Variants in TBC1D5 observed in about 807,000 individuals in gnomAD.
The protein encoded by TBC1D5 is TBC1 domain family member 5.
Under a neutral mutation model 100.3 loss-of-function variants are expected in TBC1D5, and 75 were observed. That is an observed-to-expected ratio of 0.75 (90% CI 0.62 to 0.91). TBC1D5 has a LOEUF of 0.91. Ranked by LOEUF, TBC1D5 falls within the 40% of genes least tolerant of loss-of-function variation. The pLI is 0.00. For synonymous variants in TBC1D5, 323 were observed against 325.6 expected (o/e 0.99, Z 0.09); for missense variants, 910 against 942.4 (o/e 0.97, Z 0.45).
At chr3:17,291,978 A>G (rs2081802632) in exon 15 of TBC1D5, 1 of 1,613,872 alleles carries the variant, frequency 6.2e-7, no homozygotes, top group Non-Finnish European at 8.5e-7. Flanking sequence ...AGGCCGAGAC[A>G]GGTCTGGTAG....
intron 4 of TBC1D5, among the ~76,000 whole-genome samples, chr3:17,425,928 T>C (rs770476547): frequency 1.3e-5 from 2 of 152,122 alleles, no homozygotes; most frequent in Admixed American, 1.3e-4. Context: ...AAAACAGTTG[T>C]GGGAAGGAAA....
chr3:17,306,238 T>C (rs773749549), intron 14 of TBC1D5, among the ~76,000 whole-genome samples: 5 of 152,180 alleles, frequency 3.3e-5, no homozygotes, highest in Non-Finnish European at 5.9e-5. Flanking sequence ...GTGCCTCTCC[T>C]TAAGTTTCCA....
At chr3:17,287,187 C>T (rs10510470) in intron 15 of TBC1D5, among the ~76,000 whole-genome samples, 1,963 of 152,176 alleles carry the variant, frequency 0.013, 34 homozygotes, top group African/African-American at 0.044. Flanking sequence ...GAAATATTCT[C>T]GATTAGTGAT....
intron 3 of TBC1D5, among the ~76,000 whole-genome samples, chr3:17,449,184 T>C (rs2094867107): frequency 1.3e-5 from 2 of 152,190 alleles, no homozygotes; most frequent in African/African-American, 4.8e-5. Flanking sequence ...GACTGTGCCA[T>C]GAGAGACGGT....
At chr3:17,250,459 C>G (rs1356657491) in intron 16 of TBC1D5, among the ~76,000 whole-genome samples, 4 of 152,226 alleles carry the variant, frequency 2.6e-5, no homozygotes, top group Non-Finnish European at 5.9e-5. Context: ...AAGGCAAGCC[C>G]TACATGATCT....
intron 8 of TBC1D5, among the ~76,000 whole-genome samples, chr3:17,396,915 C>A (rs73156373): frequency 6.6e-6 from 1 of 151,784 alleles, no homozygotes; most frequent in Non-Finnish European, 1.5e-5. Flanking sequence ...GCTGCTGGGG[C>A]GAGCATAATA....
rs370029552 is a variant in TBC1D5 at position 17,484,052 on chromosome 3, C to T, written c.97+24422G>A. Among the ~76,000 whole-genome samples the T allele has an allele frequency of 3.3e-5, 5 of 152,088 alleles. No individual in the cohort carries two copies. In the South Asian group the frequency reaches 6.2e-4, roughly 19 times the overall value. On this transcript the variant is annotated intron_variant, in intron 3 of 21. Transcript: ENST00000253692. ...GTGGCCTCATTAGGTAAAGATACTA[C>T]CTATACCACCACTCACTGGATATTA... is the stretch of plus-strand genomic sequence containing the variant.
intron 1 of TBC1D5, among the ~76,000 whole-genome samples, chr3:17,676,227 CTGT>C (rs1217337221): frequency 1.3e-5 from 2 of 152,104 alleles, no homozygotes; most frequent in East Asian, 1.9e-4. Context: ...CTAAATTGTA[CTGT>C]TGTTATCTAT....
intron 3 of TBC1D5, among the ~76,000 whole-genome samples, chr3:17,442,387 GCAGA>G (rs1234505226): frequency 2.0e-5 from 3 of 152,198 alleles, no homozygotes; most frequent in Non-Finnish European, 4.4e-5. Context: ...TCCCTGTTGT[GCAGA>G]CAGTGAGTGG....
chr3:17,166,794 G>A (rs2066645746), exon 21 of TBC1D5: 3 of 1,613,434 alleles, frequency 1.9e-6, no homozygotes, highest in South Asian at 2.2e-5. Flanking sequence ...ACATTTGAAC[G>A]CTCTGGCCTT....
intron 4 of TBC1D5, among the ~76,000 whole-genome samples, chr3:17,407,554 T>A (rs954783054): frequency 6.6e-6 from 1 of 152,156 alleles, no homozygotes; most frequent in Non-Finnish European, 1.5e-5. Flanking sequence ...CATGTGCAGT[T>A]GTCACTGGCC....
chr3:17,217,229 A>C (rs951529159), intron 17 of TBC1D5, among the ~76,000 whole-genome samples: 1 of 152,182 alleles, frequency 6.6e-6, no homozygotes, highest in Non-Finnish European at 1.5e-5. Flanking sequence ...TAGTTGCCAA[A>C]TAATATTCCA....
At chr3:17,698,073 C>T (rs1210207578) in intron 1 of TBC1D5, among the ~76,000 whole-genome samples, 1 of 151,880 alleles carries the variant, frequency 6.6e-6, no homozygotes, top group Non-Finnish European at 1.5e-5. Flanking sequence ...AAAAAAGAGC[C>T]CACATTGCCA....
intron 1 of TBC1D5, among the ~76,000 whole-genome samples, chr3:17,627,663 T>C (rs995386654): frequency 6.6e-6 from 1 of 151,506 alleles, no homozygotes; most frequent in Non-Finnish European, 1.5e-5. Flanking sequence ...ATTCTGGGTT[T>C]TTTTTTTTGA....
In TBC1D5 at chr3:17,341,363, A is replaced by AT. The variant is rs1220209622; in HGVS notation, c.995+30711dup. ...AGGCGGCCGCCACCACGCCCGGCTA[A>AT]TTTTTTGTATTTTTAGTAGAGACGG... On this transcript the variant is annotated intron_variant, in intron 13 of 21. Coordinates refer to ENST00000253692, the Ensembl canonical transcript of TBC1D5. 7.2e-5 allele frequency among the ~76,000 whole-genome samples: 11 copies of AT among 152,010 alleles called. No homozygotes were observed. The South Asian group carries it at 8.3e-4, about 11-fold the overall frequency.
At position 17,386,344 on chromosome 3, in the gene TBC1D5, A is replaced by C. The variant is rs78783864; in HGVS notation, c.510-2329T>G. Among the ~76,000 whole-genome samples the C allele has an allele frequency of 4.7e-3, 711 of 152,246 alleles. 4 individuals are homozygous for C. The highest frequency in any genetic ancestry group is 0.019 in the South Asian group (93 of 4,824). Reference sequence around the variant, plus strand: ...ATAATCTAAAATTGATTATGAAAGAAAGTACTAAAAACTACTACATTAACT... The same window carrying C: ...ATAATCTAAAATTGATTATGAAAGACAGTACTAAAAACTACTACATTAACT... On this transcript the variant is annotated intron_variant, in intron 8 of 21. Coordinates refer to ENST00000253692, the Ensembl canonical transcript of TBC1D5.
chr3:17,464,572 T>C (rs73161502), intron 3 of TBC1D5, among the ~76,000 whole-genome samples: 13,843 of 152,132 alleles, frequency 0.091, 1,422 homozygotes, highest in African/African-American at 0.25. Flanking sequence ...CTAGAAATTC[T>C]TCCTAAAACT....
chr3:17,394,257 T>C (rs1384749496), intron 8 of TBC1D5, among the ~76,000 whole-genome samples: 1 of 152,148 alleles, frequency 6.6e-6, no homozygotes, highest in African/African-American at 2.4e-5. Context: ...TATGTTTCTG[T>C]CCTGTTTTGC....
chr3:17,641,557 G>A (rs996286137), intron 1 of TBC1D5, among the ~76,000 whole-genome samples: 2 of 152,096 alleles, frequency 1.3e-5, no homozygotes, highest in African/African-American at 2.4e-5. Flanking sequence ...CTAACACTTA[G>A]AGCTTATTCA....
Sources: allele counts gnomAD v4.1 joint callset (sites outside exome capture counted in the v4.1 genomes callset), GRCh38; gene constraint gnomAD v4.1.1; transcripts MANE v1.5; gene names NCBI Gene and HGNC (gene_info 2026-07-23, HGNC 2026-07-21).